PPHLN1: variants seen among roughly 807,000 people sequenced by gnomAD.
The protein encoded by PPHLN1 is periphilin 1.
PPHLN1 carries 29 observed loss-of-function variants against 51.3 expected under a neutral mutation model. That is an observed-to-expected ratio of 0.57 (90% CI 0.42 to 0.77). The LOEUF (loss-of-function observed/expected upper bound fraction) is 0.77. PPHLN1 is among the 30% of genes least tolerant of loss of function. The pLI is 0.00. For synonymous variants in PPHLN1, 147 were observed against 147.8 expected (o/e 0.99, Z 0.04); for missense variants, 436 against 438.4 (o/e 0.99, Z 0.05).
At chr12:42,448,357 GAT>G, downstream of PPHLN1, 1 of 132,520 alleles carries the variant, frequency 7.5e-6, no homozygotes, top group East Asian at 2.4e-4. Context: ...AAATCTATTT[GAT>G]TTTTTTTTTT....
At chr12:42,399,323 A>G (rs2078578261) in intron 9 of PPHLN1, 1 of 858,602 alleles carries the variant, frequency 1.2e-6, no homozygotes, top group African/African-American at 1.8e-5. Flanking sequence ...AGCAAATGTT[A>G]TTTTTGAATA....
intron 9 of PPHLN1, among the ~76,000 whole-genome samples, chr12:42,405,189 T>C (rs2079184237): frequency 6.6e-6 from 1 of 152,228 alleles, no homozygotes; most frequent in Non-Finnish European, 1.5e-5. Flanking sequence ...CTTAGAATTC[T>C]CTACCGTCCT....
At chr12:42,431,780 A>T (rs2139862164) in intron 9 of PPHLN1, 1 of 1,062,178 alleles carries the variant, frequency 9.4e-7, no homozygotes, top group Non-Finnish European at 1.5e-6. Context: ...CAGAAGCACT[A>T]GTCGGGCTAT....
intron 6 of PPHLN1, among the ~76,000 whole-genome samples, chr12:42,385,603 G>A (rs971043245): frequency 6.6e-6 from 1 of 152,148 alleles, no homozygotes; most frequent in Non-Finnish European, 1.5e-5. Context: ...TAGCTGATAA[G>A]TGCTAAAGAA....
At chr12:42,353,829 C>G (rs2073704917) in intron 3 of PPHLN1, among the ~76,000 whole-genome samples, 2 of 151,928 alleles carry the variant, frequency 1.3e-5, no homozygotes, top group Non-Finnish European at 2.9e-5. Flanking sequence ...GATTTTTTTT[C>G]TAAAAACTTG....
chr12:42,441,544 G>C lies in PPHLN1; in HGVS notation c.*35G>C. On this transcript the variant is annotated 3_prime_UTR_variant, in exon 10 of 10. Transcript: ENST00000358314. ...CTCAGGCTAAAAAAAAAAAAAAACA[G>C]TTTCTAAAAATTTTTTTTCCTGGAT... 1 of 1,463,648 alleles carries C rather than the reference G, an allele frequency of 6.8e-7. No homozygotes were observed. Among genetic ancestry groups the C allele is most frequent in the East Asian group, 2.4e-5 (1 of 41,934 alleles). The allele number at this position is 1,463,648 out of a possible 1,614,324, so 90.7% of individuals were successfully genotyped here.
chr12:42,349,830 C>G (rs549574135), intron 2 of PPHLN1, among the ~76,000 whole-genome samples: 9 of 152,252 alleles, frequency 5.9e-5, no homozygotes, highest in African/African-American at 2.2e-4. Context: ...CAGTCACAAT[C>G]TGATCTCTCT....
At chr12:42,343,911 GA>G (rs763267062) in intron 2 of PPHLN1, 27 of 446,120 alleles carry the variant, frequency 6.1e-5, no homozygotes, top group Non-Finnish European at 1.0e-4. Context: ...ATCAGTGAGT[GA>G]AATAAATCAA....
chr12:42,329,222 C>T (rs1291312905), intron 1 of PPHLN1, among the ~76,000 whole-genome samples: 2 of 151,950 alleles, frequency 1.3e-5, no homozygotes, highest in Non-Finnish European at 2.9e-5. Flanking sequence ...CTGCCTCAGC[C>T]TTCCGAGTAG....
At chr12:42,439,106 C>T (rs542190158) in intron 9 of PPHLN1, among the ~76,000 whole-genome samples, 10 of 152,226 alleles carry the variant, frequency 6.6e-5, no homozygotes, top group Non-Finnish European at 1.2e-4. Context: ...ATTTAAAAGT[C>T]GTCACCAAAC....
chr12:42,440,345 A>G (rs1228430382), intron 9 of PPHLN1, among the ~76,000 whole-genome samples: 2 of 152,172 alleles, frequency 1.3e-5, no homozygotes. Flanking sequence ...GCATCCTGCA[A>G]CCATGCTATA....
intron 9 of PPHLN1, among the ~76,000 whole-genome samples, chr12:42,423,878 T>C (rs555148364): frequency 2.0e-5 from 3 of 152,306 alleles, no homozygotes; most frequent in East Asian, 1.9e-4. Context: ...GGTTTTACCA[T>C]GTTGGCCAGG....
At chr12:42,326,415 A>T (rs1388149765) in intron 1 of PPHLN1, among the ~76,000 whole-genome samples, 186 bp downstream of exon 1, 1 of 152,078 alleles carries the variant, frequency 6.6e-6, no homozygotes, top group Non-Finnish European at 1.5e-5. Context: ...GGAAGTATTG[A>T]GTCTAAGATA....
intron 4 of PPHLN1, among the ~76,000 whole-genome samples, chr12:42,373,249 G>T (rs534700420): frequency 1.3e-5 from 2 of 152,234 alleles, no homozygotes; most frequent in South Asian, 4.1e-4. Context: ...CACCACTCTG[G>T]CTAACCAGTG....
intron 9 of PPHLN1, among the ~76,000 whole-genome samples, chr12:42,408,943 A>G (rs559309456): frequency 6.6e-6 from 1 of 152,342 alleles, no homozygotes; most frequent in Non-Finnish European, 1.5e-5. Flanking sequence ...AACCACAGAT[A>G]ATACTGAACC....
chr12:42,346,302 T>A (rs1030699211), intron 2 of PPHLN1, among the ~76,000 whole-genome samples: 1 of 152,140 alleles, frequency 6.6e-6, no homozygotes, highest in Non-Finnish European at 1.5e-5. Flanking sequence ...TTGTTTTTTT[T>A]AAATTCCACA....
At chr12:42,375,897 A>G (rs1465124438) in intron 5 of PPHLN1, among the ~76,000 whole-genome samples, 1 of 152,166 alleles carries the variant, frequency 6.6e-6, no homozygotes, top group Non-Finnish European at 1.5e-5. Flanking sequence ...TCTATGTGCA[A>G]GGCACTGTGT....
At chr12:42,344,532 G>A (rs1308333171) in intron 2 of PPHLN1, among the ~76,000 whole-genome samples, 1 of 151,840 alleles carries the variant, frequency 6.6e-6, no homozygotes, top group African/African-American at 2.4e-5. Flanking sequence ...AAAAATGTTT[G>A]GGGGGGATGG....
At chr12:42,386,385 A>G (rs1411815187) in intron 6 of PPHLN1, among the ~76,000 whole-genome samples, 1 of 152,230 alleles carries the variant, frequency 6.6e-6, no homozygotes, top group Non-Finnish European at 1.5e-5. Context: ...GAAAGGTGTT[A>G]TTCACCACTT....
Sources: gnomAD v4.1 joint callset for allele counts (sites outside exome capture counted in the v4.1 genomes callset) on GRCh38, gnomAD v4.1.1 for gene constraint, MANE v1.5 for transcripts, NCBI Gene and HGNC (gene_info 2026-07-23, HGNC 2026-07-21) for gene names.